The following MMP20 variants were observed in gnomAD, a reference collection of about 807,000 sequenced individuals.
The protein encoded by MMP20 is matrix metalloproteinase-20.
A neutral mutation model predicts 51.8 loss-of-function variants in MMP20; 50 were observed. The observed-to-expected ratio is 0.97, with a 90% CI of 0.77 to 1.22. The LOEUF (loss-of-function observed/expected upper bound fraction) is 1.22. MMP20 is among the 50% of genes most tolerant of loss of function. The pLI, the probability that MMP20 is intolerant of heterozygous loss-of-function variation, is 0.00. For missense variants in MMP20, 663 were observed against 601.4 expected, an observed-to-expected ratio of 1.10 and a Z score of -1.07; for synonymous variants, 244 against 216.2, an observed-to-expected ratio of 1.13 and a Z score of -1.13.
intron 2 of MMP20, among the ~76,000 whole-genome samples, chr11:102,615,151 C>T (rs1784417): frequency 4.8e-5 from 7 of 144,414 alleles, no homozygotes; most frequent in African/African-American, 1.0e-4. Context: ...TAATAAATAA[C>T]GTATTTTATT....
chr11:102,599,159 C>T (rs1192857717), intron 6 of MMP20, among the ~76,000 whole-genome samples: 2 of 151,970 alleles, frequency 1.3e-5, no homozygotes, highest in Admixed American at 6.6e-5. Flanking sequence ...ACTACAAGCA[C>T]GTGTCACCAC....
At chr11:102,601,528 T>C (rs1000381153) in intron 6 of MMP20, among the ~76,000 whole-genome samples, 2 of 152,216 alleles carry the variant, frequency 1.3e-5, no homozygotes, top group African/African-American at 4.8e-5. Context: ...CTTTAGACTT[T>C]TTTTCTTTCT....
intron 2 of MMP20, among the ~76,000 whole-genome samples, chr11:102,613,887 G>A (rs1285118072): frequency 6.6e-6 from 1 of 152,336 alleles, no homozygotes; most frequent in Non-Finnish European, 1.5e-5. Context: ...ACTTTGACAT[G>A]CCCTCGCATT....
rs536588232 is a variant in MMP20, at chr11:102,594,320, T to G, written c.1090+301A>C. On this transcript the variant is annotated intron_variant, in intron 7 of 9. Coordinates refer to ENST00000260228, the MANE Select transcript of MMP20 (RefSeq NM_004771.4). ...AAGGATGTCAGTAGAGTATACACTG[T>G]CACTCTGAGCAGAGGTCCTGTGTGG... 2.9e-3 allele frequency among the ~76,000 whole-genome samples: 444 copies of G among 152,336 alleles called. 6 individuals are homozygous for G. Among genetic ancestry groups the G allele is most frequent in the African/African-American group, 1.0e-2 (415 of 41,570 alleles).
At chr11:102,601,027 C>G (rs1157204841) in intron 6 of MMP20, among the ~76,000 whole-genome samples, 1 of 151,850 alleles carries the variant, frequency 6.6e-6, no homozygotes, top group Non-Finnish European at 1.5e-5. Flanking sequence ...ATAATTCCAG[C>G]TGAGGACAAT....
chr11:102,601,892 A>T (rs1209865815), intron 6 of MMP20, among the ~76,000 whole-genome samples: 1 of 150,570 alleles, frequency 6.6e-6, no homozygotes, highest in Non-Finnish European at 1.5e-5. Flanking sequence ...TAATACATCC[A>T]TTCTTCTCTC....
At chr11:102,589,808 GA>G (rs915913031) in intron 8 of MMP20, among the ~76,000 whole-genome samples, 1 of 152,086 alleles carries the variant, frequency 6.6e-6, no homozygotes, top group African/African-American at 2.4e-5. Context: ...TTTAAAACAT[GA>G]AAAAACAAGA....
Position 102,579,110 on chromosome 11 carries a change from T to G in MMP20, c.1280A>C (p.Asp427Ala), listed in dbSNP as rs750974308. 8.1e-6 allele frequency: 13 copies of G among 1,613,506 alleles called. No homozygotes were observed. The highest frequency in any genetic ancestry group is 1.1e-5 in the Non-Finnish European group (13 of 1,179,502). ...TTCTTCTTCAGTATTCTTTGGATAG[T>G]CTTTTTCCATTTTCCTTTTCCTTTC... ...YDERKRKMEK[D>A]YPKNTEEEFS... The change falls in exon 9 of 10, where the codon GAC (aspartate) becomes GCC (alanine). Residue 427 changes from aspartate (D) to alanine (A), a missense_variant. By Grantham distance (126) the Asp-to-Ala change is moderately radical. Coordinates refer to ENST00000260228, the MANE Select transcript of MMP20 (RefSeq NM_004771.4).
intron 1 of MMP20, among the ~76,000 whole-genome samples, chr11:102,622,853 A>G (rs1221949266): frequency 1.3e-5 from 2 of 152,186 alleles, no homozygotes; most frequent in Non-Finnish European, 2.9e-5. Context: ...TTGTGATTTT[A>G]TGAGGCTGAT....
chr11:102,619,515 T>C (rs572272347), intron 1 of MMP20, among the ~76,000 whole-genome samples: 1 of 152,184 alleles, frequency 6.6e-6, no homozygotes, highest in African/African-American at 2.4e-5. Context: ...AGGCCAGTGG[T>C]GGGTTACCAA....
At chr11:102,611,252 G>C (rs1310055142) in intron 3 of MMP20, among the ~76,000 whole-genome samples, 2 of 152,192 alleles carry the variant, frequency 1.3e-5, no homozygotes, top group African/African-American at 4.8e-5. Flanking sequence ...CAGACCTCTT[G>C]CATATCTCCC....
intron 1 of MMP20, among the ~76,000 whole-genome samples, chr11:102,620,085 A>G (rs907212352): frequency 6.6e-6 from 1 of 152,074 alleles, no homozygotes; most frequent in Non-Finnish European, 1.5e-5. Context: ...CCAATTTCTT[A>G]TCACTCTCAC....
intron 5 of MMP20, 78 bp downstream of exon 5, chr11:102,608,859 A>G: frequency 6.9e-7 from 1 of 1,452,130 alleles, no homozygotes; most frequent in Non-Finnish European, 9.7e-7. Flanking sequence ...CAATGCAGAT[A>G]AAATGCACTT....
chr11:102,609,588 G>C (rs940238262), intron 4 of MMP20, among the ~76,000 whole-genome samples: 1 of 152,158 alleles, frequency 6.6e-6, no homozygotes, highest in African/African-American at 2.4e-5. Context: ...GGTCATTTCT[G>C]AATGTAGCCC....
At chr11:102,589,586 T>C (rs1255984646) in intron 8 of MMP20, among the ~76,000 whole-genome samples, 2 of 152,172 alleles carry the variant, frequency 1.3e-5, no homozygotes, top group Non-Finnish European at 2.9e-5. Flanking sequence ...TCTACCCCCA[T>C]TTTGCAGATG....
intron 9 of MMP20, 110 bp from the exon 10 acceptor site, chr11:102,577,536 A>G: frequency 3.8e-6 from 3 of 785,022 alleles, no homozygotes; most frequent in East Asian, 5.5e-5. Flanking sequence ...GGAATTGTGA[A>G]TTTGTCAGGT....
intron 1 of MMP20, among the ~76,000 whole-genome samples, chr11:102,621,342 T>C (rs977131965): frequency 6.6e-6 from 1 of 152,370 alleles, no homozygotes; most frequent in African/African-American, 2.4e-5. Context: ...CACAGCCATG[T>C]TCCTTACAGT....
At position 102,577,282 on chromosome 11, in the gene MMP20, G is replaced by A; in HGVS notation, c.*44C>T. 1.5e-6 allele frequency: 2 copies of A among 1,322,620 alleles called. No individual in the cohort carries two copies. The highest frequency in any genetic ancestry group is 2.2e-6 in the Non-Finnish European group (2 of 914,764). 81.9% of individuals were successfully genotyped at this position (1,322,620 alleles called of 1,614,324 possible). On this transcript the variant is annotated 3_prime_UTR_variant, in exon 10 of 10. Transcript: ENST00000260228. ...AGTCCTTAAGATCCAGTTAGAGGCTGCTTGTAGTCATCCTCATTGCTTGAG... is the reference window on the plus strand; with the variant it reads ...AGTCCTTAAGATCCAGTTAGAGGCTACTTGTAGTCATCCTCATTGCTTGAG...
At chr11:102,595,284 C>T (rs1338658345) in intron 6 of MMP20, among the ~76,000 whole-genome samples, 1 of 152,154 alleles carries the variant, frequency 6.6e-6, no homozygotes, top group Non-Finnish European at 1.5e-5. Context: ...TAAACAGTTT[C>T]TACTCCCTTT....
Sources: allele counts gnomAD v4.1 joint callset (sites outside exome capture counted in the v4.1 genomes callset), GRCh38; gene constraint gnomAD v4.1.1; transcripts MANE v1.5; gene names NCBI Gene and HGNC (gene_info 2026-07-23, HGNC 2026-07-21).